Variants in VEGFC observed in about 807,000 individuals in gnomAD.
The protein encoded by VEGFC is FLT4 ligand DHM.
In VEGFC, 12 loss-of-function variants were observed where a neutral mutation model predicts 46.1. The ratio of observed to expected loss-of-function variants is 0.26; its 90% CI spans 0.17 to 0.42. The LOEUF (loss-of-function observed/expected upper bound fraction) is 0.42, where lower values mean the gene tolerates loss of function less well. Among genes scored for constraint, VEGFC ranks in the 10% least tolerant of loss-of-function variants. VEGFC has a pLI of 1.00. For synonymous variants in VEGFC, 232 were observed against 195.5 expected, an observed-to-expected ratio of 1.19 and a Z score of -1.56; for missense variants, 488 against 529.4, an observed-to-expected ratio of 0.92 and a Z score of 0.77.
chr4:176,760,088 C>T lies in VEGFC; in HGVS notation c.148-30342G>A, dbSNP rs1387073671. Among the ~76,000 whole-genome samples the T allele has an allele frequency of 4.0e-5, 6 of 151,818 alleles. No homozygotes were observed. The East Asian group carries it at 1.2e-3, about 29-fold the overall frequency. ...AAAATCATATTCTTGAGGGATAGATCAGGAGATGAAAAATAGCGTATTTTA... is the reference window on the plus strand; with the variant it reads ...AAAATCATATTCTTGAGGGATAGATTAGGAGATGAAAAATAGCGTATTTTA... On this transcript the variant is annotated intron_variant, in intron 1 of 6. Coordinates refer to ENST00000618562, the MANE Select transcript of VEGFC (RefSeq NM_005429.5).
chr4:176,719,652 G>C (rs1356396763), intron 3 of VEGFC, among the ~76,000 whole-genome samples: 1 of 152,096 alleles, frequency 6.6e-6, no homozygotes, highest in Non-Finnish European at 1.5e-5. Flanking sequence ...TAGTTCCATA[G>C]GGCAGGATCT....
intron 1 of VEGFC, among the ~76,000 whole-genome samples, chr4:176,771,352 G>A (rs932767682): frequency 6.6e-6 from 1 of 152,058 alleles, no homozygotes; most frequent in African/African-American, 2.4e-5. Flanking sequence ...GCTGTTTTCT[G>A]CCATCTTTTA....
intron 1 of VEGFC, among the ~76,000 whole-genome samples, chr4:176,784,518 C>T (rs138614086): frequency 0.019 from 2,935 of 151,602 alleles, 79 homozygotes; most frequent in African/African-American, 0.067. Context: ...GAGGCCGAGG[C>T]GGGCAGATCA....
chr4:176,740,277 CTA>C (rs1178607906), intron 1 of VEGFC, among the ~76,000 whole-genome samples: 2 of 114,032 alleles, frequency 1.8e-5, no homozygotes, highest in South Asian at 2.5e-4. Flanking sequence ...TATATATTCT[CTA>C]TATAGAGTAT....
intron 1 of VEGFC, among the ~76,000 whole-genome samples, chr4:176,761,611 A>G (rs553057396): frequency 7.2e-5 from 11 of 152,362 alleles, no homozygotes; most frequent in Admixed American, 5.9e-4. Flanking sequence ...AATGTTGAAT[A>G]CTGCATTAAG....
chr4:176,771,278 T>G (rs1355781864), intron 1 of VEGFC, among the ~76,000 whole-genome samples: 1 of 152,114 alleles, frequency 6.6e-6, no homozygotes, highest in Non-Finnish European at 1.5e-5. Context: ...CCCTAGTGAA[T>G]CAGATGATGA....
intron 1 of VEGFC, among the ~76,000 whole-genome samples, chr4:176,752,874 T>C (rs1211828611): frequency 1.3e-5 from 2 of 152,096 alleles, no homozygotes; most frequent in African/African-American, 2.4e-5. Flanking sequence ...TTGTGAAGTC[T>C]GCTTCCTCAT....
chr4:176,757,603 C>A (rs1457906156), intron 1 of VEGFC, among the ~76,000 whole-genome samples: 2 of 148,520 alleles, frequency 1.3e-5, no homozygotes, highest in Non-Finnish European at 3.0e-5. Context: ...AGAACATCAG[C>A]AAAAAAAAAA....
intron 1 of VEGFC, among the ~76,000 whole-genome samples, chr4:176,733,083 A>G (rs529978148): frequency 2.8e-4 from 43 of 152,050 alleles, no homozygotes; most frequent in African/African-American, 1.0e-3. Flanking sequence ...CTCCACACCC[A>G]TTAGAGTGGA....
At chr4:176,726,206 T>C (rs1156405647) in intron 3 of VEGFC, among the ~76,000 whole-genome samples, 2 of 152,178 alleles carry the variant, frequency 1.3e-5, no homozygotes, top group African/African-American at 4.8e-5. Flanking sequence ...TATTGTCATG[T>C]TCCTACAACT....
Position 176,726,360 on chromosome 4 carries a change from TTAAC to T in VEGFC, c.552+1414_552+1417del, listed in dbSNP as rs1734872972. Among the ~76,000 whole-genome samples the T allele has an allele frequency of 1.3e-5, 2 of 152,130 alleles. 1 individual carries two copies. Among genetic ancestry groups the T allele is most frequent in the South Asian group, 4.1e-4 (2 of 4,830 alleles). The stretch of plus-strand genomic sequence containing the variant: ...CAGAATGAATTGCATCTGGCTAAGC[TTAAC>T]TAACTATGATACTAAAAGAAATGAT... On this transcript the variant is annotated intron_variant, in intron 3 of 6. Transcript: ENST00000618562.
chr4:176,727,302 A>C lies in VEGFC; in HGVS notation c.552+476T>G, dbSNP rs78643154. Among the ~76,000 whole-genome samples the C allele has an allele frequency of 6.0e-4, 92 of 152,264 alleles. 1 individual carries two copies. The East Asian group carries it at 0.01, about 17-fold the overall frequency. On this transcript the variant is annotated intron_variant, in intron 3 of 6. Transcript: ENST00000618562. Reference sequence around the variant, plus strand: ...CTTTGCTTTCGACAGGAAGACAATAAATTTCTTCAGTGAGATGGCTTATTT... The same window carrying C: ...CTTTGCTTTCGACAGGAAGACAATACATTTCTTCAGTGAGATGGCTTATTT...
At chr4:176,721,786 C>T (rs943588115) in intron 3 of VEGFC, among the ~76,000 whole-genome samples, 4 of 152,030 alleles carry the variant, frequency 2.6e-5, no homozygotes, top group Non-Finnish European at 4.4e-5. Context: ...GACAGACTGA[C>T]CTGTCTGAGG....
intron 1 of VEGFC, among the ~76,000 whole-genome samples, chr4:176,775,899 G>A (rs1735806390): frequency 6.6e-6 from 1 of 150,754 alleles, no homozygotes. Flanking sequence ...TTAAAAGCTA[G>A]AAGAAACAAA....
chr4:176,727,915 C>T lies in VEGFC; in HGVS notation c.415G>A (p.Asp139Asn), dbSNP rs1734899360. Residue 139 changes from aspartate to asparagine, a missense_variant, in exon 3 of 7, where the codon GAT (aspartate) becomes AAT (asparagine). Asp to Asn is a conservative substitution (Grantham distance 23). Transcript: ENST00000618562. ...TQCMPREVCI[D>N]VGKEFGVATN... is the part of the protein sequence containing the mutation. ...GCGACTCCAAACTCCTTCCCCACAT[C>T]TATACACACCTCCCGTGGCATGCAT... 6.2e-7 allele frequency: 1 copy of T among 1,613,724 alleles called. No homozygotes were observed. The highest frequency in any genetic ancestry group is 1.1e-5 in the South Asian group (1 of 91,002).
intron 1 of VEGFC, among the ~76,000 whole-genome samples, chr4:176,764,960 A>G (rs1228509474): frequency 6.6e-6 from 1 of 152,170 alleles, no homozygotes; most frequent in Non-Finnish European, 1.5e-5. Context: ...TAGGTATTGT[A>G]TACTCAGGAA....
intron 1 of VEGFC, among the ~76,000 whole-genome samples, chr4:176,779,526 T>C (rs1735871525): frequency 6.6e-6 from 1 of 152,146 alleles, no homozygotes. Flanking sequence ...TCTAAAATTT[T>C]GGTTTAAAAA....
At chr4:176,728,936 AG>A (rs1734916556) in intron 2 of VEGFC, among the ~76,000 whole-genome samples, 1 of 152,128 alleles carries the variant, frequency 6.6e-6, no homozygotes, top group African/African-American at 2.4e-5. Context: ...TCTGGCTTCA[AG>A]CAATCCTCCC....
chr4:176,694,046 C>G (rs1022188078), intron 4 of VEGFC, among the ~76,000 whole-genome samples: 1 of 151,308 alleles, frequency 6.6e-6, no homozygotes, highest in African/African-American at 2.4e-5. Flanking sequence ...TAAAGACCAT[C>G]GAGACTAGGA....
Sources: allele counts gnomAD v4.1 joint callset (sites outside exome capture counted in the v4.1 genomes callset), GRCh38; gene constraint gnomAD v4.1.1; transcripts MANE v1.5; gene names NCBI Gene and HGNC (gene_info 2026-07-23, HGNC 2026-07-21).